Variants in SLC28A3 observed in about 807,000 individuals in gnomAD.
SLC28A3 encodes solute carrier family 28 member 3.
In SLC28A3, 68 loss-of-function variants were observed where a neutral mutation model predicts 84.2. The observed-to-expected ratio is 0.81, with a 90% CI of 0.66 to 0.99. The LOEUF (loss-of-function observed/expected upper bound fraction) is 0.99, where lower values mean the gene tolerates loss of function less well. Among genes scored for constraint, SLC28A3 ranks in the 50% least tolerant of loss-of-function variants. The pLI, the probability that SLC28A3 is intolerant of heterozygous loss-of-function variation, is 0.00. For missense variants in SLC28A3, 712 were observed against 841.5 expected (o/e 0.85, Z 1.90); for synonymous variants, 267 against 303.6 (o/e 0.88, Z 1.25).
chr9:84,305,991 G>A (rs146830153), intron 3 of SLC28A3, among the ~76,000 whole-genome samples: 60 of 152,286 alleles, frequency 3.9e-4, no homozygotes, highest in African/African-American at 1.4e-3. Flanking sequence ...GGTGGGTAGT[G>A]TGTGAGTAAT....
At chr9:84,321,156 C>T (rs1826362193) in intron 1 of SLC28A3, among the ~76,000 whole-genome samples, 1 of 152,070 alleles carries the variant, frequency 6.6e-6, no homozygotes, top group South Asian at 2.1e-4. Context: ...TGGAAATCCT[C>T]TCACCAGCAC....
chr9:84,324,629 GAC>G (rs1564173396), intron 1 of SLC28A3, among the ~76,000 whole-genome samples: 1 of 119,250 alleles, frequency 8.4e-6, no homozygotes, highest in African/African-American at 2.6e-5. Context: ...CAGCCTAGGT[GAC>G]ACAGTGAGAC....
upstream of SLC28A3, among the ~76,000 whole-genome samples, chr9:84,343,981 C>A (rs1827210277): frequency 6.6e-6 from 1 of 152,072 alleles, no homozygotes; most frequent in Non-Finnish European, 1.5e-5. Flanking sequence ...GTCCCAGCTA[C>A]TTGGGAGGCT....
chr9:84,337,432 C>CTGTGTGTGTGTGTG lies in SLC28A3; in HGVS notation c.60+3141_60+3142insCACACACACACACA, dbSNP rs111293078. Among the ~76,000 whole-genome samples the CTGTGTGTGTGTGTG allele has an allele frequency of 9.6e-3, 1,451 of 151,298 alleles. 26 individuals carry two copies. Among genetic ancestry groups the CTGTGTGTGTGTGTG allele is most frequent in the African/African-American group, 0.033 (1,342 of 40,898 alleles). On this transcript the variant is annotated intron_variant, in intron 1 of 17. Coordinates refer to ENST00000376238, the MANE Select transcript of SLC28A3 (RefSeq NM_001199633.2). ...AACCTTGAGGCCTGGGGATGCTAGC[C>CTGTGTGTGTGTGTG]TGTGTGTGTGCGCGCGCGTGTGTGT...
intron 1 of SLC28A3, among the ~76,000 whole-genome samples, chr9:84,325,558 A>C (rs1029797806): frequency 1.3e-5 from 2 of 152,260 alleles, no homozygotes; most frequent in Non-Finnish European, 2.9e-5. Context: ...AATTTTAACC[A>C]AACTAGCTTT....
chr9:84,314,777 T>C (rs902510030), intron 1 of SLC28A3, among the ~76,000 whole-genome samples: 2 of 152,220 alleles, frequency 1.3e-5, no homozygotes, highest in Non-Finnish European at 2.9e-5. Flanking sequence ...CTTGGGTTCT[T>C]GGTATAAAAA....
chr9:84,284,802 C>G (rs1030639845), intron 14 of SLC28A3, among the ~76,000 whole-genome samples: 104 of 152,284 alleles, frequency 6.8e-4, no homozygotes, highest in African/African-American at 2.5e-3. Flanking sequence ...AGACTCTGAG[C>G]CTTTTCTCTC....
chr9:84,361,558 G>A, the SLC28A3 span, among the ~76,000 whole-genome samples: 283 of 152,258 alleles, frequency 1.9e-3, 2 homozygotes, highest in African/African-American at 6.5e-3. Context: ...TTTGTCAGGT[G>A]AAAGGCTCTC....
intron 4 of SLC28A3, among the ~76,000 whole-genome samples, chr9:84,303,086 G>A (rs1301070687): frequency 2.6e-5 from 4 of 152,144 alleles, no homozygotes; most frequent in South Asian, 2.1e-4. Context: ...CAACTGAACC[G>A]AGCCTGTCTT....
upstream of SLC28A3, among the ~76,000 whole-genome samples, chr9:84,345,121 C>T (rs1827227386): frequency 6.6e-6 from 1 of 152,000 alleles, no homozygotes; most frequent in African/African-American, 2.4e-5. Context: ...TCAACATCAC[C>T]CAAATTTTAT....
the SLC28A3 span, among the ~76,000 whole-genome samples, chr9:84,356,743 A>C: frequency 0.015 from 2,233 of 152,186 alleles, 50 homozygotes; most frequent in African/African-American, 0.051. Context: ...AGGCAGGAGA[A>C]TCACTTGAAC....
chr9:84,295,839 AC>A (rs1480645299), intron 8 of SLC28A3, among the ~76,000 whole-genome samples: 5 of 152,176 alleles, frequency 3.3e-5, no homozygotes, highest in Non-Finnish European at 7.3e-5. Context: ...ATGACCGAGG[AC>A]AATTTGTACA....
chr9:84,307,440 AAAAAAC>A (rs1432082619), intron 3 of SLC28A3, among the ~76,000 whole-genome samples: 2 of 150,808 alleles, frequency 1.3e-5, no homozygotes, highest in African/African-American at 2.4e-5. Context: ...CAAAAAAAAA[AAAAAAC>A]AAAAACAAAA....
At chr9:84,304,787 C>G (rs1455411176) in intron 4 of SLC28A3, among the ~76,000 whole-genome samples, 3 of 152,138 alleles carry the variant, frequency 2.0e-5, no homozygotes, top group Admixed American at 6.5e-5. Flanking sequence ...TTTGGGAGGC[C>G]AAGGCGGGCA....
At chr9:84,295,456 A>G (rs750901260) in intron 8 of SLC28A3, among the ~76,000 whole-genome samples, 16 of 151,986 alleles carry the variant, frequency 1.1e-4, no homozygotes, top group Non-Finnish European at 2.2e-4. Context: ...GTGGTGGCAC[A>G]CTCATGTAAT....
the SLC28A3 span, among the ~76,000 whole-genome samples, chr9:84,354,897 GA>G: frequency 6.6e-6 from 1 of 151,602 alleles, no homozygotes; most frequent in Admixed American, 6.6e-5. Flanking sequence ...AGGAAACTCT[GA>G]AAAAAACCTA....
chr9:84,306,951 A>C (rs1825810371), intron 3 of SLC28A3, among the ~76,000 whole-genome samples: 1 of 126,968 alleles, frequency 7.9e-6, no homozygotes, highest in Admixed American at 9.8e-5. Flanking sequence ...TGAGCCCAGG[A>C]GTTTCAGACC....
chr9:84,282,566 G>A (rs1824799030), intron 14 of SLC28A3, among the ~76,000 whole-genome samples: 1 of 152,184 alleles, frequency 6.6e-6, no homozygotes, highest in African/African-American at 2.4e-5. Flanking sequence ...CCCTTTCACG[G>A]GGCAGTCAGA....
intron 1 of SLC28A3, among the ~76,000 whole-genome samples, chr9:84,328,041 G>A (rs944010313): frequency 6.6e-6 from 1 of 151,652 alleles, no homozygotes; most frequent in Admixed American, 6.6e-5. Context: ...ATAGGTAGCT[G>A]CCTGAGGTGG....
Sources: allele counts gnomAD v4.1 joint callset (sites outside exome capture counted in the v4.1 genomes callset), GRCh38; gene constraint gnomAD v4.1.1; transcripts MANE v1.5; gene names NCBI Gene and HGNC (gene_info 2026-07-23, HGNC 2026-07-21).